Variants in CACNA2D3 observed in about 807,000 individuals in gnomAD.
CACNA2D3 encodes calcium voltage-gated channel auxiliary subunit alpha2delta 3.
A neutral mutation model predicts 160.6 loss-of-function variants in CACNA2D3; 60 were observed. The ratio of observed to expected loss-of-function variants is 0.37; its 90% CI spans 0.30 to 0.46. CACNA2D3 has a LOEUF of 0.46. CACNA2D3 is among the 20% of genes least tolerant of loss of function. The pLI, the probability that CACNA2D3 is intolerant of heterozygous loss-of-function variation, is 1.00. For synonymous variants in CACNA2D3, 558 were observed against 492.9 expected (o/e 1.13, Z -1.75); for missense variants, 1,205 against 1,365.0 (o/e 0.88, Z 1.85).
intron 17 of CACNA2D3, 72 bp from the exon 18 acceptor site, chr3:54,871,467 G>A (rs1345914813): frequency 2.6e-6 from 3 of 1,157,226 alleles, no homozygotes; most frequent in Non-Finnish European, 3.8e-6. Flanking sequence ...GACTTGGGAA[G>A]GTAAAGATTG....
At chr3:55,071,854 T>C (rs1426773298) in intron 35 of CACNA2D3, among the ~76,000 whole-genome samples, 1 of 152,258 alleles carries the variant, frequency 6.6e-6, no homozygotes, top group East Asian at 1.9e-4. Context: ...CCATTTGTTC[T>C]TCAGAGTGTT....
rs150482555 is a variant in CACNA2D3 at position 54,234,089 on chromosome 3, G to A, written c.205-86353G>A. Among the ~76,000 whole-genome samples, 875 of 152,126 alleles carry A rather than the reference G, an allele frequency of 5.8e-3. 9 individuals are homozygous for A. The highest frequency in any genetic ancestry group is 5.4e-3 in the Non-Finnish European group (366 of 67,982). Reference sequence around the variant, plus strand: ...AGAAAACAGACAACCTGCAGAATAGGAGAAAATATTTACAAGCTTTGCATC... The same window carrying A: ...AGAAAACAGACAACCTGCAGAATAGAAGAAAATATTTACAAGCTTTGCATC... On this transcript the variant is annotated intron_variant, in intron 2 of 37. Transcript: ENST00000474759.
intron 35 of CACNA2D3, among the ~76,000 whole-genome samples, chr3:55,040,552 G>A (rs961045937): frequency 2.0e-5 from 3 of 151,910 alleles, no homozygotes; most frequent in Non-Finnish European, 4.4e-5. Context: ...GAGTACAATG[G>A]CACACACCTG....
intron 28 of CACNA2D3, 48 bp from the exon 29 acceptor site, chr3:54,969,752 G>GC: frequency 2.5e-6 from 4 of 1,568,700 alleles, no homozygotes; most frequent in Non-Finnish European, 3.5e-6. Flanking sequence ...GCACTGGGAT[G>GC]CCCAAGTAAC....
At chr3:54,318,809 T>C (rs1703925638) in intron 2 of CACNA2D3, among the ~76,000 whole-genome samples, 1 of 150,802 alleles carries the variant, frequency 6.6e-6, no homozygotes, top group East Asian at 2.0e-4. Context: ...ATCCTTCCAC[T>C]TCAGCTCACC....
chr3:54,588,659 A>G (rs896026247), intron 9 of CACNA2D3, among the ~76,000 whole-genome samples: 1 of 152,136 alleles, frequency 6.6e-6, no homozygotes, highest in African/African-American at 2.4e-5. Flanking sequence ...CTTAATAAAA[A>G]CAATGAACCT....
chr3:54,693,303 G>A (rs1700601801), intron 11 of CACNA2D3, among the ~76,000 whole-genome samples: 2 of 152,156 alleles, frequency 1.3e-5, no homozygotes, highest in Admixed American at 6.5e-5. Flanking sequence ...ATTCTTATGC[G>A]GTTTTTCCAT....
intron 13 of CACNA2D3, among the ~76,000 whole-genome samples, chr3:54,809,355 A>G (rs1575488043): frequency 1.1e-5 from 1 of 88,568 alleles, no homozygotes; most frequent in Non-Finnish European, 2.0e-5. Flanking sequence ...TCTGTCGCCC[A>G]GGTCGGACTG....
At position 54,714,814 on chromosome 3, in the gene CACNA2D3, G is replaced by GA. The variant is rs140484183; in HGVS notation, c.1168-37782dup. Reference sequence around the variant, plus strand: ...GCCTAATTCACAATAGCAAAGTATAGAAACCATCTGAGTGTCCATCAACAT... The same window carrying GA: ...GCCTAATTCACAATAGCAAAGTATAGAAAACCATCTGAGTGTCCATCAACAT... On this transcript the variant is annotated intron_variant, in intron 11 of 37. Coordinates refer to ENST00000474759, the MANE Select transcript of CACNA2D3 (RefSeq NM_018398.3). Among the ~76,000 whole-genome samples, 1,326 of 152,302 alleles carry GA rather than the reference G, an allele frequency of 8.7e-3. 26 individuals carry two copies. The highest frequency in any genetic ancestry group is 0.031 in the African/African-American group (1,269 of 41,556).
At chr3:54,540,303 A>AG (rs1701952068) in intron 5 of CACNA2D3, among the ~76,000 whole-genome samples, 1 of 152,226 alleles carries the variant, frequency 6.6e-6, no homozygotes, top group Non-Finnish European at 1.5e-5. Flanking sequence ...GATGACTGGT[A>AG]AATGTTGACC....
At chr3:54,495,757 A>C (rs186134414) in intron 4 of CACNA2D3, among the ~76,000 whole-genome samples, 118 of 152,272 alleles carry the variant, frequency 7.7e-4, no homozygotes, top group African/African-American at 2.4e-3. Flanking sequence ...CTCAAAACAA[A>C]CAACCAACCA....
intron 29 of CACNA2D3, among the ~76,000 whole-genome samples, chr3:54,970,507 T>C (rs1008307405): frequency 0.012 from 5 of 408 alleles, no homozygotes; most frequent in Non-Finnish European, 0.017. Context: ...CCTCCCCTCC[T>C]CTCCCCTCCC....
chr3:54,840,815 T>G (rs751469499), intron 16 of CACNA2D3, among the ~76,000 whole-genome samples: 212 of 148,438 alleles, frequency 1.4e-3, no homozygotes, highest in Non-Finnish European at 2.7e-3. Context: ...CTCCACCTCC[T>G]GGGTTCACGC....
At chr3:54,789,254 A>G (rs988819085) in intron 13 of CACNA2D3, among the ~76,000 whole-genome samples, 9 of 152,216 alleles carry the variant, frequency 5.9e-5, no homozygotes, top group Admixed American at 5.9e-4. Context: ...TTTCCCAAAT[A>G]TCTATTCCAA....
intron 35 of CACNA2D3, among the ~76,000 whole-genome samples, chr3:55,031,031 G>C (rs999755227): frequency 6.6e-6 from 1 of 152,168 alleles, no homozygotes; most frequent in Non-Finnish European, 1.5e-5. Context: ...GCACATGGAA[G>C]TTTGTCTGGG....
intron 35 of CACNA2D3, among the ~76,000 whole-genome samples, chr3:55,070,599 A>G (rs568958670): frequency 1.2e-4 from 19 of 152,266 alleles, no homozygotes; most frequent in African/African-American, 3.4e-4. Context: ...TTAATACTCA[A>G]TCCAGTGGAC....
At chr3:54,646,545 A>G (rs779285529) in intron 11 of CACNA2D3, among the ~76,000 whole-genome samples, 1 of 151,594 alleles carries the variant, frequency 6.6e-6, no homozygotes, top group Non-Finnish European at 1.5e-5. Flanking sequence ...ATGGCTTCCA[A>G]CTCTAACCAT....
chr3:54,290,509 C>T (rs1343543326), intron 2 of CACNA2D3, among the ~76,000 whole-genome samples: 1 of 151,714 alleles, frequency 6.6e-6, no homozygotes, highest in Non-Finnish European at 1.5e-5. Flanking sequence ...GGCGATTCCT[C>T]AGGGATCTAG....
chr3:54,423,168 G>C (rs13089763), intron 4 of CACNA2D3, among the ~76,000 whole-genome samples: 12,733 of 152,170 alleles, frequency 0.084, 781 homozygotes, highest in East Asian at 0.16. Flanking sequence ...AAAGTCTGTT[G>C]ATGACATCTG....
Sources: gnomAD v4.1 joint callset for allele counts (sites outside exome capture counted in the v4.1 genomes callset) on GRCh38, gnomAD v4.1.1 for gene constraint, MANE v1.5 for transcripts, NCBI Gene and HGNC (gene_info 2026-07-23, HGNC 2026-07-21) for gene names.